Variants in GGH observed in about 807,000 individuals in gnomAD.
GGH encodes gamma-Glu-X carboxypeptidase.
In GGH, 18 loss-of-function variants were observed where a neutral mutation model predicts 39.2. The observed-to-expected ratio is 0.46, with a 90% CI of 0.32 to 0.68. GGH has a LOEUF of 0.68. Ranked by LOEUF, GGH falls within the 30% of genes least tolerant of loss-of-function variation. The pLI, the probability that GGH is intolerant of heterozygous loss-of-function variation, is 0.04. For missense variants in GGH, 367 were observed against 384.1 expected, an observed-to-expected ratio of 0.96 and a Z score of 0.37; for synonymous variants, 147 against 138.8, an observed-to-expected ratio of 1.06 and a Z score of -0.42.
chr8:63,032,612 C>G (rs1280325969), intron 2 of GGH, among the ~76,000 whole-genome samples: 1 of 152,310 alleles, frequency 6.6e-6, no homozygotes, highest in East Asian at 1.9e-4. Context: ...CAGAAGTTGA[C>G]TCCCAGCATC....
chr8:63,024,731 CA>C (rs1281653184), intron 5 of GGH: 2 of 146,808 alleles, frequency 1.4e-5, no homozygotes, highest in African/African-American at 5.0e-5. Context: ...CACCAACAAA[CA>C]GATTTTGAAA....
chr8:63,036,426 A>C (rs1434843460), intron 1 of GGH, among the ~76,000 whole-genome samples: 1 of 152,218 alleles, frequency 6.6e-6, no homozygotes, highest in African/African-American at 2.4e-5. Flanking sequence ...GAGTGAACCA[A>C]ACAAAAGCCC....
intron 2 of GGH, among the ~76,000 whole-genome samples, chr8:63,032,183 G>A (rs937095188): frequency 6.6e-6 from 1 of 151,976 alleles, no homozygotes; most frequent in East Asian, 1.9e-4. Flanking sequence ...ATAGGTGCAC[G>A]CCACCACTCC....
At chr8:63,036,191 C>T (rs1337350136) in intron 1 of GGH, among the ~76,000 whole-genome samples, 2 of 152,156 alleles carry the variant, frequency 1.3e-5, no homozygotes, top group Non-Finnish European at 2.9e-5. Context: ...ATTACCTTAG[C>T]CCAAGCTATC....
chr8:63,036,671 G>A (rs886406746), intron 1 of GGH, among the ~76,000 whole-genome samples: 6 of 152,126 alleles, frequency 3.9e-5, no homozygotes, highest in African/African-American at 1.4e-4. Context: ...ACTTCAGAGA[G>A]GTGACAGAGT....
At chr8:63,031,972 C>T (rs1314073542) in intron 2 of GGH, among the ~76,000 whole-genome samples, 2 of 152,274 alleles carry the variant, frequency 1.3e-5, no homozygotes, top group Middle Eastern at 3.4e-3. Context: ...CCATTTAAAA[C>T]TCAATCTAGA....
At chr8:63,035,511 G>A in intron 2 of GGH, 145 bp downstream of exon 2, 1 of 1,153,590 alleles carries the variant, frequency 8.7e-7, no homozygotes, top group Non-Finnish European at 1.2e-6. Flanking sequence ...TCACCAGGTT[G>A]GCCTGGCTGG....
intron 2 of GGH, among the ~76,000 whole-genome samples, chr8:63,031,015 G>C (rs538294823): frequency 6.6e-6 from 1 of 152,186 alleles, no homozygotes; most frequent in Admixed American, 6.5e-5. Context: ...TGAAATCCTT[G>C]CAAGAACTCT....
chr8:63,019,929 G>T lies in GGH; in HGVS notation c.698-2299C>A, dbSNP rs114590226. On this transcript the variant is annotated intron_variant, in intron 7 of 8. Coordinates refer to ENST00000260118, the MANE Select transcript of GGH (RefSeq NM_003878.3). ...GTTAATAATGTAAAAGACCGCATTT[G>T]ACGTGGTTCAATTCACAGGACCCTC... Among the ~76,000 whole-genome samples the T allele has an allele frequency of 5.7e-3, 867 of 152,328 alleles. 9 individuals carry two copies. Among genetic ancestry groups the T allele is most frequent in the African/African-American group, 0.02 (840 of 41,578 alleles).
At chr8:63,030,997 C>T (rs1031688694) in intron 2 of GGH, among the ~76,000 whole-genome samples, 11 of 152,286 alleles carry the variant, frequency 7.2e-5, no homozygotes, top group African/African-American at 2.4e-4. Flanking sequence ...AAGAGAGCAC[C>T]AAGTTAGTGA....
intron 7 of GGH, among the ~76,000 whole-genome samples, chr8:63,023,346 G>C (rs1804627471): frequency 6.6e-6 from 1 of 152,134 alleles, no homozygotes; most frequent in African/African-American, 2.4e-5. Context: ...CCATTCTGTA[G>C]GGGGGATTTT....
At chr8:63,034,612 A>T (rs903478552) in intron 2 of GGH, among the ~76,000 whole-genome samples, 4 of 152,216 alleles carry the variant, frequency 2.6e-5, no homozygotes, top group African/African-American at 9.6e-5. Context: ...GATGAAAAAT[A>T]TGGGAAGAAT....
At chr8:63,026,079 G>T in intron 5 of GGH, 79 bp downstream of exon 5, 1 of 1,099,274 alleles carries the variant, frequency 9.1e-7, no homozygotes, top group Non-Finnish European at 1.3e-6. Context: ...ATAAAAATAA[G>T]CACTTTTACT....
chr8:63,022,237 C>T (rs1253092603), intron 7 of GGH, among the ~76,000 whole-genome samples: 1 of 152,040 alleles, frequency 6.6e-6, no homozygotes, highest in Non-Finnish European at 1.5e-5. Flanking sequence ...TTTTCTAAAA[C>T]CTTATTGTAG....
intron 4 of GGH, chr8:63,026,967 C>T: frequency 1.8e-6 from 1 of 548,546 alleles, no homozygotes; most frequent in South Asian, 2.3e-5. Flanking sequence ...GAGGGGCAGT[C>T]AGCAGTGCTC....
At chr8:63,018,100 C>T (rs924023036) in intron 7 of GGH, 3 of 152,542 alleles carry the variant, frequency 2.0e-5, no homozygotes, top group African/African-American at 7.2e-5. Context: ...CTCTCTCAGT[C>T]TATGGAATGA....
chr8:63,030,200 T>A lies in GGH; in HGVS notation c.242A>T (p.Lys81Ile). The A allele has an allele frequency of 6.9e-7, 1 of 1,439,206 alleles. No homozygotes were observed. The highest frequency in any genetic ancestry group is 1.4e-5 in the African/African-American group (1 of 71,850). The allele number at this position is 1,439,206 out of a possible 1,614,324, so 89.2% of individuals were successfully genotyped here. The change falls in exon 3 of 9, where the codon AAA becomes ATA. Residue 81 changes from lysine to isoleucine, a missense_variant. Physicochemically the swap from Lys to Ile is moderately radical, Grantham distance 102. Transcript: ENST00000260118. ...VVPVRLDLTEKDYEILFKSIN... is the reference protein window; with the variant it reads ...VVPVRLDLTEIDYEILFKSIN... ...AGATTTGAAAAGTATTTCATAGTCT[T>A]TCTCTGTAAGATCCAGCCTGAAAAC...
At chr8:63,017,652 G>A (rs1199655395) in intron 7 of GGH, 22 bp from the exon 8 acceptor site, 1 of 1,474,338 alleles carries the variant, frequency 6.8e-7, no homozygotes, top group Admixed American at 2.0e-5. Flanking sequence ...ACACAAATTA[G>A]TAAGTACTAA....
chr8:63,015,480 A>G, intron 8 of GGH, 27 bp from the exon 9 acceptor site: 1 of 1,445,780 alleles, frequency 6.9e-7, no homozygotes, highest in Non-Finnish European at 9.5e-7. Context: ...TAATTTTTAA[A>G]AAGATCAGAT....
Sources: gnomAD v4.1 joint callset for allele counts (sites outside exome capture counted in the v4.1 genomes callset) on GRCh38, gnomAD v4.1.1 for gene constraint, MANE v1.5 for transcripts, NCBI Gene and HGNC (gene_info 2026-07-23, HGNC 2026-07-21) for gene names.